The following ACSS3 variants were observed in gnomAD, a reference collection of about 807,000 sequenced individuals.
ACSS3 encodes the protein acyl-CoA synthetase short chain family member 3.
ACSS3 carries 64 observed loss-of-function variants against 84.2 expected under a neutral mutation model. The observed-to-expected ratio is 0.76, with a 90% CI of 0.62 to 0.94. The LOEUF is 0.94. Ranked by LOEUF, ACSS3 falls within the 40% of genes least tolerant of loss-of-function variation. The pLI, the probability that ACSS3 is intolerant of heterozygous loss-of-function variation, is 0.00. For synonymous variants in ACSS3, 317 were observed against 310.1 expected (o/e 1.02, Z -0.23); for missense variants, 815 against 867.6 (o/e 0.94, Z 0.76).
At chr12:81,088,099 A>G (rs530347479) in intron 1 of ACSS3, among the ~76,000 whole-genome samples, 4 of 152,240 alleles carry the variant, frequency 2.6e-5, no homozygotes, top group African/African-American at 9.6e-5. Flanking sequence ...CACTGCAATA[A>G]GAGGAGCAAG....
chr12:81,159,786 C>T (rs1258268460), intron 7 of ACSS3, among the ~76,000 whole-genome samples: 1 of 152,246 alleles, frequency 6.6e-6, no homozygotes, highest in Non-Finnish European at 1.5e-5. Context: ...TATGCGCATT[C>T]ACATGTGTGT....
chr12:81,233,668 G>A (rs142726122), intron 13 of ACSS3, among the ~76,000 whole-genome samples, 197 bp downstream of exon 13: 1 of 151,586 alleles, frequency 6.6e-6, no homozygotes, highest in East Asian at 1.9e-4. Context: ...TCCCTGGGTG[G>A]TAGTGAAGAG....
At chr12:81,252,617 A>T (rs1387359850) in intron 13 of ACSS3, among the ~76,000 whole-genome samples, 2 of 152,126 alleles carry the variant, frequency 1.3e-5, no homozygotes, top group Admixed American at 6.5e-5. Context: ...ATATATATAT[A>T]TTAACCCTAA....
chr12:81,225,515 A>G (rs1179945474), intron 11 of ACSS3, among the ~76,000 whole-genome samples: 3 of 151,950 alleles, frequency 2.0e-5, no homozygotes. Flanking sequence ...CAGCAGGTCC[A>G]CACCTTGGAT....
Position 81,159,647 on chromosome 12 carries a change from C to A in ACSS3, c.1098+7551C>A, listed in dbSNP as rs1409136248. Among the ~76,000 whole-genome samples the A allele has an allele frequency of 2.0e-5, 3 of 152,202 alleles. No homozygotes were observed. The East Asian group carries it at 5.8e-4, about 29-fold the overall frequency. ...AGAGCAGTGATTCCAATAGATCTAA[C>A]CCTAACCGTGTATGAACAAGAACAG... On this transcript the variant is annotated intron_variant, in intron 7 of 15. Coordinates refer to ENST00000548058, the MANE Select transcript of ACSS3 (RefSeq NM_024560.4).
intron 11 of ACSS3, among the ~76,000 whole-genome samples, chr12:81,223,509 AC>A (rs1225015903): frequency 1.3e-5 from 2 of 151,996 alleles, no homozygotes; most frequent in African/African-American, 4.8e-5. Flanking sequence ...AATCTCATAT[AC>A]AGTTTTGAGT....
At chr12:81,222,419 T>C (rs2033140203) in intron 11 of ACSS3, among the ~76,000 whole-genome samples, 2 of 152,044 alleles carry the variant, frequency 1.3e-5, no homozygotes, top group African/African-American at 4.8e-5. Flanking sequence ...TTTCAGAAAC[T>C]CCTTTTATCT....
At chr12:81,183,235 G>T (rs762207066) in intron 8 of ACSS3, among the ~76,000 whole-genome samples, 3 of 152,084 alleles carry the variant, frequency 2.0e-5, no homozygotes, top group Non-Finnish European at 4.4e-5. Flanking sequence ...TTCTACAAGC[G>T]GCAAACAGCC....
At chr12:81,231,854 T>C (rs945973870) in intron 12 of ACSS3, among the ~76,000 whole-genome samples, 3 of 151,660 alleles carry the variant, frequency 2.0e-5, no homozygotes, top group African/African-American at 7.3e-5. Flanking sequence ...CTGTTGTCCC[T>C]CTACTACCAC....
At chr12:81,163,118 A>T (rs895862210) in intron 7 of ACSS3, among the ~76,000 whole-genome samples, 1 of 151,112 alleles carries the variant, frequency 6.6e-6, no homozygotes, top group African/African-American at 2.5e-5. Context: ...TGCTGCCACT[A>T]ACCTTTCTTT....
At chr12:81,169,001 C>T (rs1887531416) in intron 7 of ACSS3, among the ~76,000 whole-genome samples, 2 of 152,140 alleles carry the variant, frequency 1.3e-5, no homozygotes, top group South Asian at 4.1e-4. Context: ...ATAACTAAAA[C>T]ACAACAGTGC....
chr12:81,233,314 C>T (rs1330977377), intron 12 of ACSS3, 35 bp from the exon 13 acceptor site: 3 of 1,598,376 alleles, frequency 1.9e-6, no homozygotes, highest in South Asian at 1.1e-5. Context: ...GTTAACAGTA[C>T]ATGCTAATCA....
intron 4 of ACSS3, 28 bp from the exon 5 acceptor site, chr12:81,143,079 T>C (rs776073792): frequency 6.2e-7 from 1 of 1,602,548 alleles, no homozygotes; most frequent in East Asian, 2.2e-5. Context: ...CTTATTACAG[T>C]ACATATTCTT....
intron 11 of ACSS3, among the ~76,000 whole-genome samples, chr12:81,226,132 C>A (rs1260162491): frequency 6.6e-6 from 1 of 151,910 alleles, no homozygotes; most frequent in Non-Finnish European, 1.5e-5. Flanking sequence ...AAATGACAAT[C>A]ATGAGAAAAC....
intron 1 of ACSS3, among the ~76,000 whole-genome samples, chr12:81,093,953 T>C (rs2121351178): frequency 6.6e-6 from 1 of 152,290 alleles, no homozygotes; most frequent in East Asian, 1.9e-4. Context: ...AGCTCATTTT[T>C]TTTCACTTGT....
intron 8 of ACSS3, among the ~76,000 whole-genome samples, chr12:81,179,765 C>CAAGA (rs112317528): frequency 7.4e-6 from 1 of 134,734 alleles, no homozygotes; most frequent in Admixed American, 8.1e-5. Flanking sequence ...GGTGACAGAG[C>CAAGA]GAGACTCCGT....
intron 13 of ACSS3, 115 bp from the exon 14 acceptor site, chr12:81,253,192 T>TC: frequency 8.6e-7 from 1 of 1,160,022 alleles, no homozygotes; most frequent in Non-Finnish European, 1.2e-6. Context: ...TGCACTTTTT[T>TC]CCCCAACTGA....
At chr12:81,117,152 T>C (rs1423038291) in intron 2 of ACSS3, among the ~76,000 whole-genome samples, 1 of 152,290 alleles carries the variant, frequency 6.6e-6, no homozygotes, top group East Asian at 1.9e-4. Context: ...GTAGGCCATC[T>C]GCTTTGAATT....
chr12:81,125,618 C>G (rs1390394793), intron 2 of ACSS3: 1 of 152,118 alleles, frequency 6.6e-6, no homozygotes, highest in Non-Finnish European at 1.5e-5. Context: ...CCATTTTACA[C>G]ATCCCGCCTG....
Sources: gnomAD v4.1 joint callset for allele counts (sites outside exome capture counted in the v4.1 genomes callset) on GRCh38, gnomAD v4.1.1 for gene constraint, MANE v1.5 for transcripts, NCBI Gene and HGNC (gene_info 2026-07-23, HGNC 2026-07-21) for gene names.